NDUFAF6: variants seen among roughly 807,000 people sequenced by gnomAD.
The protein encoded by NDUFAF6 is NADH dehydrogenase (ubiquinone) complex I, assembly factor 6.
A neutral mutation model predicts 40.8 loss-of-function variants in NDUFAF6; 45 were observed. The observed-to-expected ratio is 1.10, with a 90% CI of 0.87 to 1.42. The LOEUF (loss-of-function observed/expected upper bound fraction) is 1.42. Ranked by LOEUF, NDUFAF6 falls within the 40% of genes most tolerant of loss-of-function variation. The probability of loss-of-function intolerance (pLI) is 0.00; values close to 1 mark genes in which losing one functional copy is unlikely to be tolerated. For missense variants in NDUFAF6, 435 were observed against 418.5 expected (o/e 1.04, Z -0.34); for synonymous variants, 185 against 155.9 (o/e 1.19, Z -1.39).
At chr8:95,060,282 C>T (rs1832540079), downstream of NDUFAF6, among the ~76,000 whole-genome samples, 1 of 152,058 alleles carries the variant, frequency 6.6e-6, no homozygotes, top group Admixed American at 6.6e-5. Flanking sequence ...TTTTTCAAAT[C>T]TCTGGGTTTT....
At chr8:95,029,786 A>C (rs763434177) in intron 1 of NDUFAF6, among the ~76,000 whole-genome samples, 23 of 152,178 alleles carry the variant, frequency 1.5e-4, no homozygotes, top group Admixed American at 3.3e-4. Flanking sequence ...CACAGAAGGG[A>C]CACTCAGCTT....
chr8:95,035,426 T>C, intron 2 of NDUFAF6, 28 bp from the exon 3 acceptor site: 1 of 1,612,728 alleles, frequency 6.2e-7, no homozygotes, highest in Non-Finnish European at 8.5e-7. Flanking sequence ...ACAATGCATT[T>C]GCTAAAGTTT....
At chr8:95,004,996 T>C (rs1301759810) in intron 2 of NDUFAF6, among the ~76,000 whole-genome samples, 2 of 152,200 alleles carry the variant, frequency 1.3e-5, no homozygotes, top group Non-Finnish European at 2.9e-5. Flanking sequence ...CAGGTTAATG[T>C]GCAAGTAGTA....
At chr8:94,919,766 T>G (rs1382326530) in intron 1 of NDUFAF6, among the ~76,000 whole-genome samples, 1 of 152,208 alleles carries the variant, frequency 6.6e-6, no homozygotes, top group East Asian at 1.9e-4. Flanking sequence ...AGAGCCCTGA[T>G]GTTCTCAATG....
downstream of NDUFAF6, chr8:95,078,662 A>AAATATATATATATATATATAT (rs545018367): frequency 7.4e-5 from 9 of 121,036 alleles, no homozygotes; most frequent in African/African-American, 2.9e-4. Context: ...AAAAAAAAAA[A>AAATATATATATATATATATAT]ATATATATAT....
At chr8:94,915,505 G>A (rs1452744053) in intron 1 of NDUFAF6, among the ~76,000 whole-genome samples, 1 of 152,166 alleles carries the variant, frequency 6.6e-6, no homozygotes, top group Non-Finnish European at 1.5e-5. Flanking sequence ...TACTTTTGCT[G>A]TTGTGTATAG....
intron 8 of NDUFAF6, among the ~76,000 whole-genome samples, chr8:95,053,952 T>TTTTTTTA (rs1554681590): frequency 7.3e-6 from 1 of 136,910 alleles, no homozygotes; most frequent in African/African-American, 3.0e-5. Context: ...TTTTTTTTTT[T>TTTTTTTA]GAGACAAAAT....
At chr8:94,927,783 G>A (rs57500750) in intron 1 of NDUFAF6, 249 of 152,586 alleles carry the variant, frequency 1.6e-3, no homozygotes, top group African/African-American at 5.7e-3. Flanking sequence ...ACATATTCCA[G>A]ACTTTTTCCA....
intron 9 of NDUFAF6, among the ~76,000 whole-genome samples, chr8:95,074,155 G>A (rs1004340094): frequency 1.3e-5 from 2 of 151,790 alleles, no homozygotes; most frequent in Non-Finnish European, 2.9e-5. Flanking sequence ...ATGGGAGTTC[G>A]TTCTAGAATT....
intron 1 of NDUFAF6, among the ~76,000 whole-genome samples, chr8:94,973,277 G>A (rs1824622855): frequency 6.6e-6 from 1 of 151,710 alleles, no homozygotes; most frequent in African/African-American, 2.4e-5. Flanking sequence ...GGAGATGATA[G>A]GACCTCCAGC....
chr8:94,910,864 A>G (rs1305397450), intron 1 of NDUFAF6, among the ~76,000 whole-genome samples: 1 of 112,178 alleles, frequency 8.9e-6, no homozygotes, highest in East Asian at 2.7e-4. Context: ...TTTAAAAAGT[A>G]TGGTTCATCT....
At chr8:94,930,828 TATGGCTGAATGAGAGCTTGTGTTTC>T (rs1401338054) in intron 1 of NDUFAF6, 1 of 1,309,644 alleles carries the variant, frequency 7.6e-7, no homozygotes, top group African/African-American at 1.5e-5. Flanking sequence ...CTAATTTGTT[TATGGCTGAATGAGAGCTTGTGTTTC>T]ATGGCTGACA....
intron 1 of NDUFAF6, among the ~76,000 whole-genome samples, chr8:95,027,225 G>A (rs1219260025): frequency 6.6e-6 from 1 of 152,084 alleles, no homozygotes; most frequent in African/African-American, 2.4e-5. Flanking sequence ...GCTGAATTTT[G>A]CAGGCAGACC....
At chr8:95,115,873 C>T (rs1243136393) in intron 5 of NDUFAF6, 1 of 152,282 alleles carries the variant, frequency 6.6e-6, no homozygotes, top group Non-Finnish European at 1.5e-5. Context: ...CGCGGTGGCT[C>T]ACGCCTGTAA....
Position 95,004,303 on chromosome 8 carries a change from G to A in NDUFAF6, c.-84+23330G>A, listed in dbSNP as rs1336854367. ...CTCCAGGAACACTGGCCCTTGGCAT[G>A]GCCATGGTTTCCCACTGCTGGTATT... On this transcript the variant is annotated intron_variant, in intron 2 of 9. Coordinates refer to the NDUFAF6 transcript ENST00000396111. Among the ~76,000 whole-genome samples the A allele has an allele frequency of 2.0e-5, 3 of 151,610 alleles. No individual in the cohort carries two copies. In the South Asian group the frequency reaches 6.2e-4, roughly 32 times the overall value.
At chr8:95,061,726 TAAGA>T (rs1240539778), downstream of NDUFAF6, among the ~76,000 whole-genome samples, 2 of 152,190 alleles carry the variant, frequency 1.3e-5, no homozygotes, top group African/African-American at 2.4e-5. Flanking sequence ...ATATAGTAGT[TAAGA>T]GTTTGTTCAG....
At chr8:95,018,242 G>T (rs1010072851) in intron 2 of NDUFAF6, among the ~76,000 whole-genome samples, 19 of 148,186 alleles carry the variant, frequency 1.3e-4, no homozygotes, top group Non-Finnish European at 2.2e-4. Context: ...TCCCTATGTT[G>T]CCCAGGCTGG....
intron 1 of NDUFAF6, among the ~76,000 whole-genome samples, chr8:94,901,358 G>C (rs1266615610): frequency 2.0e-5 from 3 of 151,996 alleles, no homozygotes; most frequent in Non-Finnish European, 2.9e-5. Flanking sequence ...GCAGGGAAGG[G>C]GTTAGTTTGT....
At chr8:95,011,096 G>C (rs755038642) in intron 2 of NDUFAF6, among the ~76,000 whole-genome samples, 16 of 152,186 alleles carry the variant, frequency 1.1e-4, no homozygotes, top group African/African-American at 3.4e-4. Context: ...AGTCCTTAGG[G>C]AGCTGTAAAC....
Sources: allele counts gnomAD v4.1 joint callset (sites outside exome capture counted in the v4.1 genomes callset), GRCh38; gene constraint gnomAD v4.1.1; transcripts MANE v1.5; gene names NCBI Gene and HGNC (gene_info 2026-07-23, HGNC 2026-07-21).